Variants in MOK observed in about 807,000 individuals in gnomAD.
MOK encodes the protein MOK protein kinase, also known as MAPK/MAK/MRK overlapping kinase.
MOK carries 59 observed loss-of-function variants against 54.2 expected under a neutral mutation model. The ratio of observed to expected loss-of-function variants is 1.09; its 90% CI spans 0.88 to 1.35. The LOEUF is 1.35. Among genes scored for constraint, MOK ranks in the 40% most tolerant of loss-of-function variants. MOK has a pLI of 0.00. For missense variants in MOK, 517 were observed against 526.2 expected, an observed-to-expected ratio of 0.98 and a Z score of 0.17; for synonymous variants, 210 against 202.7, an observed-to-expected ratio of 1.04 and a Z score of -0.31.
chr14:102,252,284 A>G lies in MOK; in HGVS notation c.284-289T>C, dbSNP rs922450168. ...AGCCTGGCCAAAATGGTGAAACCCC[A>G]TATCTACTAAAAATACAAAAATTTG... On this transcript the variant is annotated intron_variant, in intron 4 of 11. Transcript: ENST00000361847. Among the ~76,000 whole-genome samples, 16 of 151,988 alleles carry G rather than the reference A, an allele frequency of 1.1e-4. 1 individual carries two copies. The highest frequency in any genetic ancestry group is 3.6e-4 in the African/African-American group (15 of 41,356).
In MOK at chr14:102,231,333, T is replaced by G. The variant is rs2064682406; in HGVS notation, c.981+374A>C. 6.0e-6 allele frequency: 1 copy of G among 167,674 alleles called. No individual in the cohort carries two copies. Among genetic ancestry groups the G allele is most frequent in the Non-Finnish European group, 1.3e-5 (1 of 78,826 alleles). 10.4% of individuals were successfully genotyped at this position (167,674 alleles called of 1,614,324 possible). ...TGACTTGGGCCAGCATTGCATCTTC[T>G]TGGCGCCTCCCTCCAGGGCCGTTCT... On this transcript the variant is annotated intron_variant, in intron 10 of 11. Transcript: ENST00000361847. This position sits in a 1 kb window ranked among gnomAD's most constrained non-coding sequence, Gnocchi z 4.4.
chr14:102,249,937 C>T lies in MOK; in HGVS notation c.590+875G>A, dbSNP rs1411309026. Among the ~76,000 whole-genome samples the T allele has an allele frequency of 1.3e-5, 2 of 152,012 alleles. No individual in the cohort carries two copies. Among genetic ancestry groups the T allele is most frequent in the Non-Finnish European group, 2.9e-5 (2 of 68,010 alleles). On this transcript the variant is annotated intron_variant, in intron 7 of 11. Transcript: ENST00000361847. The surrounding 1 kb of genome is among the most constrained non-coding windows in gnomAD (Gnocchi z 5.3). ...GTTTGGTGGCTGGTGCACCGTGGGCCGTCTTGTGCGCTGGTGAGATACAGG... is the reference window on the plus strand; with the variant it reads ...GTTTGGTGGCTGGTGCACCGTGGGCTGTCTTGTGCGCTGGTGAGATACAGG...
At chr14:102,265,105 G>A (rs909872284) in intron 3 of MOK, among the ~76,000 whole-genome samples, 2 of 152,138 alleles carry the variant, frequency 1.3e-5, no homozygotes. Flanking sequence ...CCCCAGAAAT[G>A]TTATCAATTA....
Position 102,283,540 on chromosome 14 carries a change from C to G in MOK, c.60G>C (p.Lys20Asn). The G allele has an allele frequency of 1.9e-6, 3 of 1,613,638 alleles. No homozygotes were observed. Among genetic ancestry groups the G allele is most frequent in the Non-Finnish European group, 2.5e-6 (3 of 1,179,832 alleles). ...IGEGTFSEVM[K>N]MQSLRDGNYY... Reference sequence around the variant, plus strand: ...AGTTTCCATCTCTCAGGCTTTGCATCTTCATAACTTCAGAAAACGTTCCCT... The same window carrying G: ...AGTTTCCATCTCTCAGGCTTTGCATGTTCATAACTTCAGAAAACGTTCCCT... The change falls in exon 2 of 12, where the codon AAG becomes AAC. Residue 20 changes from lysine to asparagine, a missense_variant. Physicochemically the swap from Lys to Asn is moderately conservative, Grantham distance 94. Transcript: ENST00000361847.
rs954492165 is a variant in MOK, at chr14:102,235,702, T to C, written c.591-1913A>G. On this transcript the variant is annotated intron_variant, in intron 7 of 11. Transcript: ENST00000361847. The surrounding 1 kb of genome is among the most constrained non-coding windows in gnomAD (Gnocchi z 4.4). Reference sequence around the variant, plus strand: ...TCGCCTTACAGAGACTCTCCAAAAATACACGCGTGTCGATCCCGCCTCCCG... The same window carrying C: ...TCGCCTTACAGAGACTCTCCAAAAACACACGCGTGTCGATCCCGCCTCCCG... 38 of 152,262 alleles carry C rather than the reference T, an allele frequency of 2.5e-4. No individual in the cohort carries two copies. Among genetic ancestry groups the C allele is most frequent in the African/African-American group, 7.5e-4 (31 of 41,542 alleles). 9.4% of individuals were successfully genotyped at this position (152,262 alleles called of 1,614,324 possible).
At chr14:102,248,385 CA>C in intron 7 of MOK, among the ~76,000 whole-genome samples, 1 of 150,928 alleles carries the variant, frequency 6.6e-6, no homozygotes, top group Non-Finnish European at 1.5e-5. Context: ...TCGTGGGAAG[CA>C]TAAACAAACT....
intron 2 of MOK, 136 bp from the exon 3 acceptor site, chr14:102,266,048 T>C: frequency 1.6e-6 from 1 of 635,000 alleles, no homozygotes; most frequent in South Asian, 2.5e-5. Flanking sequence ...ATTTCTCCCA[T>C]TAGAAACTGA....
At chr14:102,265,462 T>C (rs1004330733) in intron 3 of MOK, among the ~76,000 whole-genome samples, 10 of 152,212 alleles carry the variant, frequency 6.6e-5, no homozygotes, top group Admixed American at 5.9e-4. Flanking sequence ...TGAAACCCCA[T>C]CTCTACTAAA....
At chr14:102,273,334 A>C (rs2068558048) in intron 2 of MOK, among the ~76,000 whole-genome samples, 1 of 152,202 alleles carries the variant, frequency 6.6e-6, no homozygotes. Flanking sequence ...ATACAAAGTA[A>C]ACAAAAATTA....
At chr14:102,299,652 C>G (rs2071931492) in intron 1 of MOK, among the ~76,000 whole-genome samples, 1 of 152,076 alleles carries the variant, frequency 6.6e-6, no homozygotes, top group South Asian at 2.1e-4. Flanking sequence ...GTGGTGTGAT[C>G]CCAGCTCACT....
rs115880699 is a variant in MOK at position 102,291,615 on chromosome 14, T to C, written c.8-8023A>G. Among the ~76,000 whole-genome samples, 620 of 152,310 alleles carry C rather than the reference T, an allele frequency of 4.1e-3. 2 individuals carry two copies. The highest frequency in any genetic ancestry group is 0.014 in the African/African-American group (591 of 41,570). On this transcript the variant is annotated intron_variant, in intron 1 of 11. Coordinates refer to ENST00000361847, the MANE Select transcript of MOK (RefSeq NM_014226.3). ...CTCTACAAGAAGATCAGTGTCTTCA[T>C]TGTGCAGAAGAGCTCACACAGCAGG...
chr14:102,256,232 G>A (rs1443647418), intron 4 of MOK, among the ~76,000 whole-genome samples: 2 of 151,868 alleles, frequency 1.3e-5, no homozygotes, highest in African/African-American at 4.8e-5. Flanking sequence ...GAGTAGTTGG[G>A]TCTACAGGCG....
chr14:102,259,906 G>A (rs111961843), intron 4 of MOK, among the ~76,000 whole-genome samples: 1,966 of 151,936 alleles, frequency 0.013, 33 homozygotes, highest in Admixed American at 0.035. Context: ...AGCCAGGCGC[G>A]GTGGCTCACG....
At chr14:102,246,465 G>T (rs2066101232) in intron 7 of MOK, among the ~76,000 whole-genome samples, 1 of 151,906 alleles carries the variant, frequency 6.6e-6, no homozygotes, top group Non-Finnish European at 1.5e-5. Flanking sequence ...TACAACCCCT[G>T]AACACCTATA....
chr14:102,287,972 T>A (rs2070327328), intron 1 of MOK, among the ~76,000 whole-genome samples: 1 of 151,772 alleles, frequency 6.6e-6, no homozygotes, highest in Admixed American at 6.6e-5. Flanking sequence ...GTAGCTGGGA[T>A]TACAGGCGCC....
chr14:102,214,774 T>C, the MOK span: 1 of 979,358 alleles, frequency 1.0e-6, no homozygotes, highest in African/African-American at 1.7e-5. Context: ...TAACATGAAA[T>C]ATTGGTAAAT....
At chr14:102,265,448 A>G (rs1432834073) in intron 3 of MOK, among the ~76,000 whole-genome samples, 2 of 152,166 alleles carry the variant, frequency 1.3e-5, no homozygotes, top group African/African-American at 4.8e-5. Flanking sequence ...CCTGGCCAAC[A>G]TGGTGAAACC....
At chr14:102,215,102 C>G in the MOK span, 1 of 611,524 alleles carries the variant, frequency 1.6e-6, no homozygotes, top group Non-Finnish European at 2.0e-6. Flanking sequence ...AATTAAGGAC[C>G]TTGTTAATGT....
intron 3 of MOK, among the ~76,000 whole-genome samples, chr14:102,265,344 G>A (rs1250613499): frequency 6.6e-6 from 1 of 152,180 alleles, no homozygotes; most frequent in African/African-American, 2.4e-5. Flanking sequence ...TTAAGAATCA[G>A]ATGCTGGCCG....
Sources: gnomAD v4.1 joint callset for allele counts (sites outside exome capture counted in the v4.1 genomes callset) on GRCh38, gnomAD v4.1.1 for gene constraint, Gnocchi (gnomAD v3.1) non-coding constraint, MANE v1.5 for transcripts, NCBI Gene and HGNC (gene_info 2026-07-23, HGNC 2026-07-21) for gene names.